Variants in KIR3DL1 observed in about 807,000 individuals in gnomAD.
KIR3DL1 encodes killer cell immunoglobulin-like receptor 3DL1.
KIR3DL1 carries 50 observed loss-of-function variants against 40.3 expected under a neutral mutation model. The observed-to-expected ratio is 1.24, with a 90% CI of 0.99 to 1.57. KIR3DL1 has a LOEUF of 1.57. Ranked by LOEUF, KIR3DL1 falls within the 40% of genes most tolerant of loss-of-function variation. The pLI is 0.00. For synonymous variants in KIR3DL1, 257 were observed against 207.2 expected (o/e 1.24, Z -2.07); for missense variants, 661 against 559.9 (o/e 1.18, Z -1.82).
chr19:54,818,295 A>C lies in KIR3DL1; in HGVS notation c.71-20A>C, dbSNP rs1486247989. On this transcript the variant is annotated intron_variant, in intron 2 of 8. Transcript: ENST00000391728. ...GGCTCCACATCCTCCTCTCTAAGGC[A>C]GTGCCTCCTTCTCCCCCAGGTGGTC... 1 of 1,588,546 alleles carries C rather than the reference A, an allele frequency of 6.3e-7. No individual in the cohort carries two copies. Among genetic ancestry groups the C allele is most frequent in the African/African-American group, 1.4e-5 (1 of 69,494 alleles).
chr19:54,828,944 GGA>G lies in KIR3DL1; in HGVS notation c.1001-415_1001-414del, dbSNP rs552981039. Among the ~76,000 whole-genome samples, 3 of 127,578 alleles carry G rather than the reference GGA, an allele frequency of 2.4e-5. No individual in the cohort carries two copies. In the South Asian group the frequency reaches 9.3e-4, roughly 39 times the overall value. 83.7% of individuals were successfully genotyped at this position (127,578 alleles called of 152,430 possible). On this transcript the variant is annotated intron_variant, in intron 6 of 8. Coordinates refer to ENST00000391728, the Ensembl canonical transcript of KIR3DL1. ...CACACGGCAAGAGAGGGAGCAAGGG[GGA>G]GGGGGAGCAATGGAGCTTCCAAGCT...
intron 5 of KIR3DL1, 124 bp from the exon 6 acceptor site, chr19:54,824,904 C>A: frequency 1.0e-6 from 1 of 986,818 alleles, no homozygotes; most frequent in Admixed American, 1.9e-5. Context: ...AGAAGAGGAT[C>A]CCAAGACTCC....
rs755876042 is a variant in KIR3DL1 at position 54,830,140 on chromosome 19, G to A, written c.1200G>A (p.Gln400=). The A allele has an allele frequency of 3.2e-5, 49 of 1,522,974 alleles. 9 individuals are homozygous for A. Among genetic ancestry groups the A allele is most frequent in the South Asian group, 2.3e-4 (18 of 79,432 alleles). The allele number at this position is 1,522,974 out of a possible 1,614,324, so 94.3% of individuals were successfully genotyped here. A position where few individuals can be genotyped will look rare whatever the true frequency, so the allele number is the denominator to read the frequency against. ...ACCCTGAGGAGGTGACATACGCACA[G>A]TTGGATCACTGCGTTTTCACACAGA... Residue 400 remains glutamine, a synonymous_variant, in exon 9 of 9, where the codon CAG becomes CAA. Transcript: ENST00000391728.
rs1336326965 is a variant in KIR3DL1, at chr19:54,818,462, G to A, written c.218G>A (p.Gly73Asp). 3 of 1,608,366 alleles carry A rather than the reference G, an allele frequency of 1.9e-6. No homozygotes were observed. The highest frequency in any genetic ancestry group is 2.5e-6 in the Non-Finnish European group (3 of 1,177,962). The change falls in exon 3 of 9, where the codon GGC becomes GAC. Residue 73 changes from glycine to aspartate, a missense_variant. Gly to Asp is a moderately conservative substitution (Grantham distance 94). Around this residue, in one of 3 missense-constraint regions of KIR3DL1, gnomAD observed 548 missense variants for 413.3 expected, o/e 1.33. Coordinates refer to ENST00000391728, the Ensembl canonical transcript of KIR3DL1. ...AGAATCCACATTCCCATCTTCCATG[G>A]CAGAATATTCCAGGAGAGCTTCAAC... is the stretch of plus-strand genomic sequence containing the variant.
chr19:54,819,643 A>C, intron 3 of KIR3DL1, 70 bp from the exon 4 acceptor site: 1 of 1,524,320 alleles, frequency 6.6e-7, no homozygotes, highest in Non-Finnish European at 8.9e-7. Flanking sequence ...GGGAACCCTC[A>C]CTCATTCCAG....
At chr19:54,818,553 C>A (rs1474881563) in exon 3 of KIR3DL1, 1 of 1,611,592 alleles carries the variant, frequency 6.2e-7, no homozygotes, top group South Asian at 1.1e-5. Flanking sequence ...CACACTCCCC[C>A]ACTGGGTGGT....
chr19:54,827,805 T>C (rs1362525458), intron 6 of KIR3DL1, among the ~76,000 whole-genome samples: 10 of 150,500 alleles, frequency 6.6e-5, no homozygotes, highest in African/African-American at 2.5e-4. Context: ...ATAGAAAATG[T>C]GAAAGCCCGC....
chr19:54,824,941 G>A (rs1290939895), intron 5 of KIR3DL1, 87 bp from the exon 6 acceptor site: 8 of 983,564 alleles, frequency 8.1e-6, no homozygotes, highest in South Asian at 4.1e-5. Flanking sequence ...ATAACAGAGT[G>A]TTGGCCATGA....
chr19:54,824,024 A>AT (rs1255142423), intron 5 of KIR3DL1, among the ~76,000 whole-genome samples: 1 of 150,906 alleles, frequency 6.6e-6, no homozygotes, highest in Non-Finnish European at 1.5e-5. Flanking sequence ...GTTTGCAAAT[A>AT]TTTGCTCCTA....
chr19:54,821,777 A>C, exon 5 of KIR3DL1: 1 of 1,607,454 alleles, frequency 6.2e-7, no homozygotes, highest in Non-Finnish European at 8.5e-7. Context: ...CCACGGAGGG[A>C]CCTACAGATG....
At chr19:54,820,415 G>T (rs1321950035) in intron 4 of KIR3DL1, among the ~76,000 whole-genome samples, 11 of 151,410 alleles carry the variant, frequency 7.3e-5, no homozygotes, top group Non-Finnish European at 1.6e-4. Flanking sequence ...ACCTGAGTTG[G>T]GCCCTGTGGC....
At chr19:54,829,692 T>C (rs552003950) in intron 7 of KIR3DL1, among the ~76,000 whole-genome samples, 1 of 141,440 alleles carries the variant, frequency 7.1e-6, no homozygotes, top group African/African-American at 2.5e-5. Flanking sequence ...GCCACTCACA[T>C]CCAGGAGAAG....
At chr19:54,818,324 A>G (rs1445577988) in exon 3 of KIR3DL1, 2 of 1,599,910 alleles carry the variant, frequency 1.3e-6, no homozygotes, top group African/African-American at 1.4e-5. Context: ...GGTGGTCAGG[A>G]CAAACCCTTC....
intron 4 of KIR3DL1, 75 bp downstream of exon 4, chr19:54,820,087 T>G: frequency 6.8e-7 from 1 of 1,477,630 alleles, no homozygotes; most frequent in Non-Finnish European, 9.3e-7. Flanking sequence ...AACCCCCAGG[T>G]GGTCATGAGG....
chr19:54,827,972 G>A (rs1283901327), intron 6 of KIR3DL1, among the ~76,000 whole-genome samples: 3 of 150,356 alleles, frequency 2.0e-5, no homozygotes, highest in East Asian at 1.9e-4. Context: ...ACTCCTTGGA[G>A]TGAGTCCAGA....
rs2061467040 is a variant in KIR3DL1, at chr19:54,818,497, G to GT, written c.254dup (p.Thr86AspfsTer66). Reference sequence around the variant, plus strand: ...CCAGGAGAGCTTCAACATGAGCCCTGTGACCACAGCACATGCAGGGAACTA... The same window carrying GT: ...CCAGGAGAGCTTCAACATGAGCCCTGTTGACCACAGCACATGCAGGGAACTA... On this transcript the variant is annotated frameshift_variant, in exon 3 of 9. Coordinates refer to ENST00000391728, the Ensembl canonical transcript of KIR3DL1. LOFTEE classifies it high-confidence loss of function. The GT allele has an allele frequency of 1.2e-6, 2 of 1,611,078 alleles. No individual in the cohort carries two copies. Among genetic ancestry groups the GT allele is most frequent in the Admixed American group, 1.7e-5 (1 of 59,816 alleles).
At chr19:54,818,939 A>C (rs2061494953) in intron 3 of KIR3DL1, among the ~76,000 whole-genome samples, 1 of 150,376 alleles carries the variant, frequency 6.6e-6, no homozygotes, top group Non-Finnish European at 1.5e-5. Context: ...TGAGAGGTGG[A>C]GGAAGAGGGG....
At chr19:54,820,153 C>G in intron 4 of KIR3DL1, 141 bp downstream of exon 4, 1 of 886,182 alleles carries the variant, frequency 1.1e-6, no homozygotes, top group Non-Finnish European at 1.7e-6. Context: ...TCTGTACCAA[C>G]AGAGACAGAG....
exon 5 of KIR3DL1, chr19:54,821,571 A>G (rs1268128515): frequency 2.5e-6 from 4 of 1,605,764 alleles, no homozygotes; most frequent in Non-Finnish European, 3.4e-6. Flanking sequence ...CCAGGTCCAT[A>G]TGAGAAACCT....
Sources: gnomAD v4.1 joint callset for allele counts (sites outside exome capture counted in the v4.1 genomes callset) on GRCh38, gnomAD v4.1.1 for gene constraint, gnomAD v4.1.1 regional missense constraint, MANE v1.5 for transcripts, NCBI Gene and HGNC (gene_info 2026-07-23, HGNC 2026-07-21) for gene names.